PTPN12: variants seen among roughly 807,000 people sequenced by gnomAD.
PTPN12 encodes tyrosine-protein phosphatase non-receptor type 12.
Under a neutral mutation model 97.6 loss-of-function variants are expected in PTPN12, and 29 were observed. The ratio of observed to expected loss-of-function variants is 0.30; its 90% CI spans 0.22 to 0.41. PTPN12 has a LOEUF of 0.41. Ranked by LOEUF, PTPN12 falls within the 10% of genes least tolerant of loss-of-function variation. The probability of loss-of-function intolerance (pLI) is 1.00; values close to 1 mark genes in which losing one functional copy is unlikely to be tolerated. For synonymous variants in PTPN12, 327 were observed against 300.4 expected, an observed-to-expected ratio of 1.09 and a Z score of -0.91; for missense variants, 819 against 926.0, an observed-to-expected ratio of 0.88 and a Z score of 1.50.
intron 1 of PTPN12, among the ~76,000 whole-genome samples, chr7:77,566,616 A>G (rs891733536): frequency 1.4e-4 from 21 of 152,266 alleles, no homozygotes; most frequent in African/African-American, 5.1e-4. Context: ...CTACTCGCTA[A>G]GGGACGCTGA....
chr7:77,608,481 G>C (rs928706793), intron 9 of PTPN12, among the ~76,000 whole-genome samples: 5 of 152,166 alleles, frequency 3.3e-5, no homozygotes, highest in African/African-American at 1.2e-4. Context: ...TGAAAAACAA[G>C]TCTCTTCATT....
At chr7:77,537,862 G>T (rs1173995566) in intron 1 of PTPN12, among the ~76,000 whole-genome samples, 1 of 151,922 alleles carries the variant, frequency 6.6e-6, no homozygotes, top group African/African-American at 2.4e-5. Flanking sequence ...CGACCCCCGC[G>T]CGGGTTCCCG....
chr7:77,575,341 GCACA>G (rs34088331), intron 2 of PTPN12, among the ~76,000 whole-genome samples: 28 of 140,088 alleles, frequency 2.0e-4, no homozygotes, highest in African/African-American at 6.7e-4. Flanking sequence ...ACGCACGCAC[GCACA>G]CACACATACT....
At chr7:77,595,468 A>G (rs1787995656) in intron 6 of PTPN12, among the ~76,000 whole-genome samples, 1 of 152,210 alleles carries the variant, frequency 6.6e-6, no homozygotes, top group Admixed American at 6.5e-5. Flanking sequence ...GAGCTCAATC[A>G]CATGTTGCCA....
chr7:77,611,158 G>A (rs1788556435), intron 11 of PTPN12, 112 bp downstream of exon 11: 1 of 771,342 alleles, frequency 1.3e-6, no homozygotes, highest in Non-Finnish European at 2.1e-6. Context: ...AGAATATCCA[G>A]GACACTTAAC....
intron 1 of PTPN12, among the ~76,000 whole-genome samples, chr7:77,550,042 T>G (rs1405747935): frequency 6.6e-6 from 1 of 152,196 alleles, no homozygotes; most frequent in Non-Finnish European, 1.5e-5. Context: ...CATCTAAAAT[T>G]TATGTGTTAC....
chr7:77,567,355 G>GGT (rs1808307276), intron 1 of PTPN12, among the ~76,000 whole-genome samples: 1 of 152,014 alleles, frequency 6.6e-6, no homozygotes, highest in Non-Finnish European at 1.5e-5. Flanking sequence ...TACATATAAA[G>GGT]GTAAAACAAT....
chr7:77,540,244 T>TTTC (rs1418960481), intron 1 of PTPN12, among the ~76,000 whole-genome samples: 2 of 142,124 alleles, frequency 1.4e-5, no homozygotes, highest in African/African-American at 2.7e-5. Flanking sequence ...TCTTTCTTTC[T>TTTC]TTTTTTTTTG....
At chr7:77,576,782 T>A (rs887153111) in intron 2 of PTPN12, among the ~76,000 whole-genome samples, 12 of 151,976 alleles carry the variant, frequency 7.9e-5, no homozygotes, top group Admixed American at 3.3e-4. Flanking sequence ...CTTTGCCGGG[T>A]GTTAATGGTG....
Position 77,583,928 on chromosome 7 carries a change from G to T in PTPN12, c.381+278G>T, listed in dbSNP as rs531375400. On this transcript the variant is annotated intron_variant, in intron 4 of 17. Transcript: ENST00000248594. ...AAACAACTTATAAAAAGCAGAAAAG[G>T]ATTAGTGCTCTAATAGGTCAGTAAA... The T allele has an allele frequency of 7.7e-5, 22 of 284,500 alleles. No homozygotes were observed. In the East Asian group the frequency reaches 9.3e-4, roughly 12 times the overall value. 17.6% of individuals were successfully genotyped at this position (284,500 alleles called of 1,614,324 possible). A position where few individuals can be genotyped will look rare whatever the true frequency, so the allele number is the denominator to read the frequency against.
intron 12 of PTPN12, among the ~76,000 whole-genome samples, chr7:77,622,719 C>T (rs1029873824): frequency 1.3e-5 from 2 of 151,812 alleles, no homozygotes; most frequent in South Asian, 2.1e-4. Flanking sequence ...TACAGTGAGT[C>T]GAGATCGCGC....
At chr7:77,584,223 T>C (rs992897297) in intron 4 of PTPN12, among the ~76,000 whole-genome samples, 3 of 152,228 alleles carry the variant, frequency 2.0e-5, no homozygotes, top group Non-Finnish European at 1.5e-5. Context: ...CTTTTCATTG[T>C]GTGGATGTGG....
At chr7:77,599,320 T>G (rs572325156) in intron 7 of PTPN12, among the ~76,000 whole-genome samples, 1 of 149,434 alleles carries the variant, frequency 6.7e-6, no homozygotes, top group African/African-American at 2.4e-5. Context: ...GCCCCGACTT[T>G]TTTTTTTTTT....
chr7:77,635,193 G>A (rs912648217), intron 14 of PTPN12, among the ~76,000 whole-genome samples: 3 of 152,214 alleles, frequency 2.0e-5, no homozygotes, highest in Non-Finnish European at 4.4e-5. Flanking sequence ...GGGAGACCAA[G>A]GCAGGTGGAT....
At chr7:77,625,489 C>CTCTCTCTT (rs1333294164) in intron 12 of PTPN12, among the ~76,000 whole-genome samples, 6 of 99,764 alleles carry the variant, frequency 6.0e-5, no homozygotes, top group Non-Finnish European at 1.3e-4. Flanking sequence ...CTCTCTCTCT[C>CTCTCTCTT]TCTCTCTCTC....
At chr7:77,546,223 C>G (rs1293142934) in intron 1 of PTPN12, among the ~76,000 whole-genome samples, 1 of 152,094 alleles carries the variant, frequency 6.6e-6, no homozygotes, top group Non-Finnish European at 1.5e-5. Flanking sequence ...ACCATGTTCA[C>G]CAAAAACTCA....
chr7:77,623,856 T>G (rs773558714), intron 12 of PTPN12, among the ~76,000 whole-genome samples: 1 of 152,244 alleles, frequency 6.6e-6, no homozygotes, highest in African/African-American at 2.4e-5. Context: ...TTATAATATG[T>G]TCTTAGGATA....
At chr7:77,635,191 A>C (rs1789546487) in intron 14 of PTPN12, among the ~76,000 whole-genome samples, 1 of 152,204 alleles carries the variant, frequency 6.6e-6, no homozygotes, top group African/African-American at 2.4e-5. Context: ...TTGGGAGACC[A>C]AGGCAGGTGG....
chr7:77,605,436 T>C (rs1788336005), intron 8 of PTPN12, among the ~76,000 whole-genome samples: 3 of 117,174 alleles, frequency 2.6e-5, no homozygotes, highest in Non-Finnish European at 3.4e-5. Context: ...TTTTTTTTTT[T>C]TGAGACGGAG....
Sources: allele counts gnomAD v4.1 joint callset (sites outside exome capture counted in the v4.1 genomes callset), GRCh38; gene constraint gnomAD v4.1.1; transcripts MANE v1.5; gene names NCBI Gene and HGNC (gene_info 2026-07-23, HGNC 2026-07-21).